The following DIPK1A variants were observed in gnomAD, a reference collection of about 807,000 sequenced individuals.
DIPK1A encodes family with sequence similarity 69 member A.
DIPK1A carries 27 observed loss-of-function variants against 40.8 expected under a neutral mutation model. That is an observed-to-expected ratio of 0.66 (90% CI 0.49 to 0.91). The LOEUF (loss-of-function observed/expected upper bound fraction) is 0.91. Ranked by LOEUF, DIPK1A falls within the 40% of genes least tolerant of loss-of-function variation. The probability of loss-of-function intolerance (pLI) is 0.00; values close to 1 mark genes in which losing one functional copy is unlikely to be tolerated. For missense variants in DIPK1A, 412 were observed against 505.7 expected, an observed-to-expected ratio of 0.81 and a Z score of 1.78; for synonymous variants, 166 against 171.3, an observed-to-expected ratio of 0.97 and a Z score of 0.24.
At chr1:92,913,795 C>T (rs1263867899) in intron 1 of DIPK1A, among the ~76,000 whole-genome samples, 1 of 152,180 alleles carries the variant, frequency 6.6e-6, no homozygotes, top group Non-Finnish European at 1.5e-5. Context: ...ATCTTTCTTT[C>T]TCCTCCTGCC....
intron 1 of DIPK1A, among the ~76,000 whole-genome samples, chr1:92,890,466 C>A (rs1229130456): frequency 3.3e-5 from 5 of 152,092 alleles, no homozygotes; most frequent in African/African-American, 1.2e-4. Flanking sequence ...CATAGATGGC[C>A]TTTATCATGG....
intron 2 of DIPK1A, among the ~76,000 whole-genome samples, chr1:92,854,139 A>G (rs1258950599): frequency 2.0e-5 from 3 of 152,126 alleles, no homozygotes; most frequent in Admixed American, 2.0e-4. Context: ...TTCCCACCTC[A>G]GCCTCCCAAA....
intron 1 of DIPK1A, among the ~76,000 whole-genome samples, chr1:92,906,233 T>C (rs1649617535): frequency 6.6e-6 from 1 of 152,180 alleles, no homozygotes; most frequent in Non-Finnish European, 1.5e-5. Flanking sequence ...TTCCACCCAC[T>C]ATTTCCTAAC....
At chr1:92,835,898 A>G (rs1687105034) in intron 4 of DIPK1A, among the ~76,000 whole-genome samples, 1 of 152,246 alleles carries the variant, frequency 6.6e-6, no homozygotes, top group African/African-American at 2.4e-5. Flanking sequence ...TTGTAAGTAT[A>G]AGAATCAAGT....
chr1:92,851,556 A>AAAAAAAAAAAAAAAAC (rs1345452707), intron 2 of DIPK1A, among the ~76,000 whole-genome samples: 1 of 94,962 alleles, frequency 1.1e-5, no homozygotes. Flanking sequence ...AAAAAAAAAA[A>AAAAAAAAAAAAAAAAC]AAAAAACTTC....
At chr1:92,880,682 T>C (rs2774945) in intron 1 of DIPK1A, among the ~76,000 whole-genome samples, 108,437 of 151,496 alleles carry the variant, frequency 0.72, 39,532 homozygotes, top group East Asian at 0.95. Context: ...TCCTGGCCAA[T>C]ATGCTGAAAC....
chr1:92,878,128 G>A (rs771083243), intron 1 of DIPK1A, among the ~76,000 whole-genome samples: 1 of 152,150 alleles, frequency 6.6e-6, no homozygotes, highest in African/African-American at 2.4e-5. Flanking sequence ...ACTTAAGTAA[G>A]TGACACTATA....
chr1:92,916,986 T>A lies in DIPK1A; in HGVS notation c.55-40556A>T, dbSNP rs1650080219. 2.0e-5 allele frequency among the ~76,000 whole-genome samples: 3 copies of A among 152,330 alleles called. No individual in the cohort carries two copies. The South Asian group carries it at 6.2e-4, about 32-fold the overall frequency. ...GAACAGCTGTTTTCATTATCCACTT[T>A]CCTTTCTAGTTGTCCACATGCAATT... On this transcript the variant is annotated intron_variant, in intron 1 of 4. Coordinates refer to ENST00000370310, the MANE Select transcript of DIPK1A (RefSeq NM_001006605.5).
intron 1 of DIPK1A, among the ~76,000 whole-genome samples, chr1:92,912,552 T>C (rs1649873322): frequency 6.6e-6 from 1 of 152,154 alleles, no homozygotes; most frequent in African/African-American, 2.4e-5. Context: ...TACTATAGAA[T>C]GTTAGATACC....
At chr1:92,834,944 T>C (rs1413494884) in intron 4 of DIPK1A, 2 of 1,599,680 alleles carry the variant, frequency 1.3e-6, no homozygotes, top group Non-Finnish European at 1.7e-6. Context: ...ATTGATGTAG[T>C]TTGTGGCTGA....
chr1:92,941,200 C>G (rs1651138456), intron 1 of DIPK1A, among the ~76,000 whole-genome samples: 1 of 152,078 alleles, frequency 6.6e-6, no homozygotes, highest in African/African-American at 2.4e-5. Flanking sequence ...TTATTTCTTG[C>G]CAGAATGAAA....
At chr1:92,929,318 C>G (rs969617633) in intron 1 of DIPK1A, among the ~76,000 whole-genome samples, 1 of 152,208 alleles carries the variant, frequency 6.6e-6, no homozygotes, top group Non-Finnish European at 1.5e-5. Context: ...TTTCCAAATT[C>G]TGTCTCTCCT....
chr1:92,868,454 C>T (rs1015148360), intron 2 of DIPK1A, among the ~76,000 whole-genome samples: 7 of 152,164 alleles, frequency 4.6e-5, no homozygotes, highest in Non-Finnish European at 7.4e-5. Flanking sequence ...TCTTTAAATG[C>T]TTTTTGCCTA....
intron 1 of DIPK1A, among the ~76,000 whole-genome samples, chr1:92,907,425 T>C (rs1649668279): frequency 6.6e-6 from 1 of 152,130 alleles, no homozygotes; most frequent in South Asian, 2.1e-4. Context: ...TGTTCTGTGC[T>C]TTAATTTTTT....
chr1:92,895,892 T>C (rs1459793201), intron 1 of DIPK1A, among the ~76,000 whole-genome samples: 3 of 152,014 alleles, frequency 2.0e-5, no homozygotes, highest in Non-Finnish European at 2.9e-5. Context: ...CATCAGTGAA[T>C]TCCCATTCAC....
At chr1:92,960,300 GATTTACTTGCCTC>G (rs1261854369) in intron 1 of DIPK1A, among the ~76,000 whole-genome samples, 4 of 152,190 alleles carry the variant, frequency 2.6e-5, no homozygotes, top group Admixed American at 6.5e-5. Context: ...AAAAATGTAA[GATTTACTTGCCTC>G]ATGATGGTTA....
intron 1 of DIPK1A, among the ~76,000 whole-genome samples, chr1:92,885,154 C>G (rs2100791159): frequency 6.6e-6 from 1 of 152,202 alleles, no homozygotes; most frequent in East Asian, 1.9e-4. Flanking sequence ...AGAGGTTGTT[C>G]ACCTCCAAGT....
At chr1:92,912,561 C>G (rs1402694361) in intron 1 of DIPK1A, among the ~76,000 whole-genome samples, 3 of 151,974 alleles carry the variant, frequency 2.0e-5, no homozygotes, top group East Asian at 3.8e-4. Flanking sequence ...ATGTTAGATA[C>G]CTATAAAAAA....
At chr1:92,898,639 T>C (rs1039092387) in intron 1 of DIPK1A, among the ~76,000 whole-genome samples, 2 of 152,172 alleles carry the variant, frequency 1.3e-5, no homozygotes, top group African/African-American at 4.8e-5. Context: ...CATACCTTGC[T>C]AATTTTTATT....
Sources: gnomAD v4.1 joint callset for allele counts (sites outside exome capture counted in the v4.1 genomes callset) on GRCh38, gnomAD v4.1.1 for gene constraint, MANE v1.5 for transcripts, NCBI Gene and HGNC (gene_info 2026-07-23, HGNC 2026-07-21) for gene names.